Variants in SV2B observed in about 807,000 individuals in gnomAD.
The protein encoded by SV2B is synaptic vesicle glycoprotein 2B, also known as solute carrier family 22 member B2.
SV2B carries 41 observed loss-of-function variants against 73.9 expected under a neutral mutation model. The observed-to-expected ratio is 0.56, with a 90% CI of 0.43 to 0.72. The LOEUF is 0.72. Among genes scored for constraint, SV2B ranks in the 30% least tolerant of loss-of-function variants. The pLI, the probability that SV2B is intolerant of heterozygous loss-of-function variation, is 0.00. For synonymous variants in SV2B, 314 were observed against 314.2 expected (o/e 1.00, Z 0.01); for missense variants, 764 against 857.8 (o/e 0.89, Z 1.37).
chr15:91,221,867 C>T (rs1463587462), intron 1 of SV2B, among the ~76,000 whole-genome samples: 1 of 152,200 alleles, frequency 6.6e-6, no homozygotes, highest in Non-Finnish European at 1.5e-5. Context: ...ACAACCTTCA[C>T]TGGCTCTCTT....
chr15:91,185,180 C>T (rs1047873054), intron 1 of SV2B, among the ~76,000 whole-genome samples: 3 of 152,184 alleles, frequency 2.0e-5, no homozygotes, highest in Non-Finnish European at 4.4e-5. Context: ...TCAGTGGAGC[C>T]CACCTCAGCG....
chr15:91,142,786 T>A (rs1350561061), intron 1 of SV2B, among the ~76,000 whole-genome samples: 1 of 152,376 alleles, frequency 6.6e-6, no homozygotes, highest in East Asian at 1.9e-4. Flanking sequence ...CATTGTATTC[T>A]TAATCACTTA....
rs1422809587 is a variant in SV2B at position 91,301,585 on chromosome 15, C to T, written c.*9033C>T. Among the ~76,000 whole-genome samples, 1 of 152,224 alleles carries T rather than the reference C, an allele frequency of 6.6e-6. No individual in the cohort carries two copies. Among genetic ancestry groups the T allele is most frequent in the Non-Finnish European group, 1.5e-5 (1 of 68,040 alleles). The stretch of plus-strand genomic sequence containing the variant: ...TTTAAAGCCTATCCCCTTTAACCTT[C>T]ATAATAACCTAATGAGTAAGTGTTA... On this transcript the variant is annotated 3_prime_UTR_variant, in exon 13 of 13. Coordinates refer to ENST00000394232, the MANE Select transcript of SV2B (RefSeq NM_001323032.3). This position sits in a 1 kb window ranked among gnomAD's most constrained non-coding sequence, Gnocchi z 4.3.
At position 91,276,347 on chromosome 15, in the gene SV2B, A is replaced by G. The variant is rs115716144; in HGVS notation, c.1374-5381A>G. ...GAGGTTCTATAAGTTTTATGAACTT[A>G]TGGTTTGATTGGTTTCATTACTTTA... On this transcript the variant is annotated intron_variant, in intron 9 of 12. Coordinates refer to ENST00000394232, the MANE Select transcript of SV2B (RefSeq NM_001323032.3). 3.5e-3 allele frequency among the ~76,000 whole-genome samples: 528 copies of G among 152,048 alleles called. 1 individual carries two copies. Among genetic ancestry groups the G allele is most frequent in the African/African-American group, 0.012 (501 of 41,502 alleles).
rs77126970 is a variant in SV2B, at chr15:91,139,498, G to C, written c.-392+39135G>C. 1.3e-5 allele frequency among the ~76,000 whole-genome samples: 2 copies of C among 152,150 alleles called. No homozygotes were observed. The highest frequency in any genetic ancestry group is 2.9e-5 in the Non-Finnish European group (2 of 68,032). On this transcript the variant is annotated intron_variant, in intron 1 of 12. Coordinates refer to ENST00000394232, the MANE Select transcript of SV2B (RefSeq NM_001323032.3). This position sits in a 1 kb window ranked among gnomAD's most constrained non-coding sequence, Gnocchi z 5.2. Reference sequence around the variant, plus strand: ...GGGAGAGGTGTACAAGTAGCACCCAGAACAGAAAAGCAGGGTGAGGGCAAA... The same window carrying C: ...GGGAGAGGTGTACAAGTAGCACCCACAACAGAAAAGCAGGGTGAGGGCAAA...
intron 1 of SV2B, among the ~76,000 whole-genome samples, chr15:91,183,276 A>G (rs561557233): frequency 2.6e-4 from 39 of 152,358 alleles, no homozygotes; most frequent in African/African-American, 7.5e-4. Flanking sequence ...AAATGTGGGG[A>G]AAGTTGGTCT....
rs188545712 is a variant in SV2B at position 91,183,977 on chromosome 15, G to T, written c.-391-41896G>T. Among the ~76,000 whole-genome samples the T allele has an allele frequency of 4.0e-5, 6 of 149,866 alleles. No individual in the cohort carries two copies. The East Asian group carries it at 1.2e-3, about 30-fold the overall frequency. ...TAATCGCCTGGGGACAAAAAAAACT[G>T]CAGTATCATCAGGAGTTATTTAATT... On this transcript the variant is annotated intron_variant, in intron 1 of 12. Coordinates refer to ENST00000394232, the MANE Select transcript of SV2B (RefSeq NM_001323032.3).
In SV2B at chr15:91,224,050, T is replaced by C. The variant is rs985915697; in HGVS notation, c.-391-1823T>C. 2.6e-5 allele frequency among the ~76,000 whole-genome samples: 4 copies of C among 152,164 alleles called. No homozygotes were observed. The highest frequency in any genetic ancestry group is 9.7e-5 in the African/African-American group (4 of 41,442). On this transcript the variant is annotated intron_variant, in intron 1 of 12. Coordinates refer to ENST00000394232, the MANE Select transcript of SV2B (RefSeq NM_001323032.3). This position sits in a 1 kb window ranked among gnomAD's most constrained non-coding sequence, Gnocchi z 4.9. ...TTCCATCCTCTCAGAAGGAAATGCA[T>C]TGTATTGTCTGAGTCAGATGGGTTT...
rs1476582339 is a variant in SV2B, at chr15:91,136,668, T to A, written c.-392+36305T>A. Among the ~76,000 whole-genome samples the A allele has an allele frequency of 6.6e-6, 1 of 152,212 alleles. No homozygotes were observed. The highest frequency in any genetic ancestry group is 6.5e-5 in the Admixed American group (1 of 15,284). ...AGCTCTAGGTTCCCGTAAGGCAGAC[T>A]GCCTTTTTAGTTGTCAGCAGATCTG... On this transcript the variant is annotated intron_variant, in intron 1 of 12. Coordinates refer to ENST00000394232, the MANE Select transcript of SV2B (RefSeq NM_001323032.3). This position sits in a 1 kb window ranked among gnomAD's most constrained non-coding sequence, Gnocchi z 5.6.
In SV2B at chr15:91,136,847, G is replaced by A. The variant is rs944702304; in HGVS notation, c.-392+36484G>A. On this transcript the variant is annotated intron_variant, in intron 1 of 12. Coordinates refer to ENST00000394232, the MANE Select transcript of SV2B (RefSeq NM_001323032.3). The surrounding 1 kb of genome is among the most constrained non-coding windows in gnomAD (Gnocchi z 5.6). The stretch of plus-strand genomic sequence containing the variant: ...TGGCAGTGATGAAACAAGAGGGCAA[G>A]CAGCTTTGGCAGGAGAAGCAAGAGG... 2.0e-5 allele frequency among the ~76,000 whole-genome samples: 3 copies of A among 152,126 alleles called. No individual in the cohort carries two copies. The highest frequency in any genetic ancestry group is 4.4e-5 in the Non-Finnish European group (3 of 68,026).
chr15:91,109,102 A>G (rs1048002692), intron 1 of SV2B, among the ~76,000 whole-genome samples: 2 of 152,232 alleles, frequency 1.3e-5, no homozygotes, highest in Admixed American at 1.3e-4. Flanking sequence ...CAGATAGGCT[A>G]CATCCTTCCT....
intron 9 of SV2B, among the ~76,000 whole-genome samples, chr15:91,273,158 A>G (rs770098055): frequency 1.3e-5 from 2 of 152,096 alleles, no homozygotes; most frequent in Non-Finnish European, 2.9e-5. Flanking sequence ...CTTCAACTGC[A>G]GTGGGACTAA....
intron 1 of SV2B, among the ~76,000 whole-genome samples, chr15:91,142,350 A>G (rs1401405820): frequency 2.0e-5 from 3 of 152,148 alleles, no homozygotes; most frequent in Admixed American, 6.5e-5. Context: ...GCATTTCAAG[A>G]TATTTTCCTG....
chr15:91,269,144 T>A (rs531217238), intron 9 of SV2B, among the ~76,000 whole-genome samples: 1 of 151,998 alleles, frequency 6.6e-6, no homozygotes, highest in Non-Finnish European at 1.5e-5. Context: ...AGAAAAGTCC[T>A]GTTCACAGCT....
Position 91,122,028 on chromosome 15 carries a change from C to A in SV2B, c.-392+21665C>A, listed in dbSNP as rs906619878. 6.6e-6 allele frequency among the ~76,000 whole-genome samples: 1 copy of A among 152,144 alleles called. No individual in the cohort carries two copies. Among genetic ancestry groups the A allele is most frequent in the African/African-American group, 2.4e-5 (1 of 41,434 alleles). ...TGACTTCATGATTCGCCTGCCTTGG[C>A]CTCCCAAAGTGCTGGGATTACAGGC... On this transcript the variant is annotated intron_variant, in intron 1 of 12. Coordinates refer to ENST00000394232, the MANE Select transcript of SV2B (RefSeq NM_001323032.3). This position sits in a 1 kb window ranked among gnomAD's most constrained non-coding sequence, Gnocchi z 4.3.
In SV2B at chr15:91,292,677, G is replaced by C. The variant is rs1365130066; in HGVS notation, c.*125G>C. The C allele has an allele frequency of 8.0e-7, 1 of 1,246,404 alleles. No homozygotes were observed. The highest frequency in any genetic ancestry group is 2.9e-5 in the Admixed American group (1 of 34,514). The allele number at this position is 1,246,404 out of a possible 1,614,324, so 77.2% of individuals were successfully genotyped here. The stretch of plus-strand genomic sequence containing the variant: ...GCACGGGAGGAGAAGTTGACTTTGT[G>C]ACCCCTAGTTTAGGACCCACTTCAG... On this transcript the variant is annotated 3_prime_UTR_variant, in exon 13 of 13. Transcript: ENST00000394232.
chr15:91,175,683 A>T (rs879086436), intron 1 of SV2B, among the ~76,000 whole-genome samples: 1 of 149,350 alleles, frequency 6.7e-6, no homozygotes, highest in Admixed American at 6.6e-5. Context: ...TGCTCTTAAA[A>T]ATGCCTATCA....
chr15:91,226,698 CA>C lies in SV2B; in HGVS notation c.441del (p.Gly148GlufsTer3). The C allele has an allele frequency of 6.3e-7, 1 of 1,599,524 alleles. No homozygotes were observed. ...AEKDMCLSSS[K>X]KGMLGMIVYL... Reference sequence around the variant, plus strand: ...AGAAGGACATGTGTCTGTCCAGTTCCAAAAAAGGAATGCTAGGTAAGTGGAA... The same window carrying C: ...AGAAGGACATGTGTCTGTCCAGTTCCAAAAAGGAATGCTAGGTAAGTGGAA... On this transcript the variant is annotated frameshift_variant, in exon 2 of 13. Transcript: ENST00000394232. LOFTEE classifies it high-confidence loss of function.
intron 9 of SV2B, among the ~76,000 whole-genome samples, chr15:91,275,691 T>A (rs2048462052): frequency 6.6e-6 from 1 of 152,134 alleles, no homozygotes; most frequent in South Asian, 2.1e-4. Context: ...TCAGGCATGG[T>A]GTTGCATGCC....
Sources: gnomAD v4.1 joint callset for allele counts (sites outside exome capture counted in the v4.1 genomes callset) on GRCh38, gnomAD v4.1.1 for gene constraint, Gnocchi (gnomAD v3.1) non-coding constraint, MANE v1.5 for transcripts, NCBI Gene and HGNC (gene_info 2026-07-23, HGNC 2026-07-21) for gene names.